PLPPR1: variants seen among roughly 807,000 people sequenced by gnomAD.
PLPPR1 encodes phospholipid phosphatase-related protein type 1.
In PLPPR1, 10 loss-of-function variants were observed where a neutral mutation model predicts 33.1. That is an observed-to-expected ratio of 0.30 (90% CI 0.19 to 0.51). The LOEUF (loss-of-function observed/expected upper bound fraction) is 0.51, where lower values mean the gene tolerates loss of function less well. Among genes scored for constraint, PLPPR1 ranks in the 20% least tolerant of loss-of-function variants. The pLI is 0.97. For missense variants in PLPPR1, 304 were observed against 408.1 expected, an observed-to-expected ratio of 0.74 and a Z score of 2.20; for synonymous variants, 151 against 151.0, an observed-to-expected ratio of 1.00 and a Z score of 0.00.
chr9:101,079,654 A>C (rs1414920814), intron 1 of PLPPR1, among the ~76,000 whole-genome samples: 1 of 151,036 alleles, frequency 6.6e-6, no homozygotes, highest in African/African-American at 2.4e-5. Flanking sequence ...ATCTTGGCTC[A>C]CTGCAACCTC....
intron 1 of PLPPR1, among the ~76,000 whole-genome samples, chr9:101,179,916 A>G (rs73499883): frequency 0.017 from 2,601 of 151,584 alleles, 74 homozygotes; most frequent in African/African-American, 0.06. Context: ...AAAAGGTTAG[A>G]CTGGCCTAGC....
intron 4 of PLPPR1, 110 bp downstream of exon 4, chr9:101,286,346 C>T: frequency 9.5e-7 from 1 of 1,052,370 alleles, no homozygotes. Context: ...GCAAGGGCTG[C>T]TTTGGGGATT....
intron 1 of PLPPR1, among the ~76,000 whole-genome samples, chr9:101,119,199 C>T (rs1364400588): frequency 3.3e-5 from 5 of 152,170 alleles, no homozygotes; most frequent in Non-Finnish European, 5.9e-5. Context: ...ACATGAAAGG[C>T]GGATACCTCT....
intron 1 of PLPPR1, among the ~76,000 whole-genome samples, chr9:101,118,213 A>T (rs981481051): frequency 2.0e-5 from 3 of 152,216 alleles, no homozygotes; most frequent in Admixed American, 6.5e-5. Context: ...TCAGGATCTC[A>T]GGTGCCACTT....
chr9:101,193,789 A>C (rs1391753953), intron 2 of PLPPR1, among the ~76,000 whole-genome samples: 1 of 152,236 alleles, frequency 6.6e-6, no homozygotes, highest in Non-Finnish European at 1.5e-5. Flanking sequence ...TTAAGGCTAC[A>C]TTGCCAATAG....
chr9:101,072,453 C>T (rs906935560), intron 1 of PLPPR1, among the ~76,000 whole-genome samples: 1 of 152,152 alleles, frequency 6.6e-6, no homozygotes, highest in Non-Finnish European at 1.5e-5. Context: ...CTTCAGCTAA[C>T]TGCAAGGAAG....
intron 5 of PLPPR1, among the ~76,000 whole-genome samples, chr9:101,312,390 C>G (rs1035289218): frequency 6.6e-6 from 1 of 152,202 alleles, no homozygotes; most frequent in African/African-American, 2.4e-5. Context: ...CCTACCTGGT[C>G]TTCTCCACCA....
At chr9:101,248,436 A>C (rs758387499) in intron 2 of PLPPR1, among the ~76,000 whole-genome samples, 1 of 152,110 alleles carries the variant, frequency 6.6e-6, no homozygotes, top group Non-Finnish European at 1.5e-5. Flanking sequence ...ATCCTAGTAT[A>C]ATAGCAAAGT....
At chr9:101,078,742 C>T (rs929007789) in intron 1 of PLPPR1, among the ~76,000 whole-genome samples, 2 of 152,056 alleles carry the variant, frequency 1.3e-5, no homozygotes, top group African/African-American at 2.4e-5. Flanking sequence ...CTAGTACTTG[C>T]TCCAGTCTAT....
At chr9:101,181,877 T>C (rs1245707927) in intron 1 of PLPPR1, among the ~76,000 whole-genome samples, 2 of 145,124 alleles carry the variant, frequency 1.4e-5, no homozygotes, top group East Asian at 2.1e-4. Flanking sequence ...TACACACACA[T>C]ATATATACAC....
At chr9:101,144,089 A>T (rs1428056390) in intron 1 of PLPPR1, among the ~76,000 whole-genome samples, 1 of 152,220 alleles carries the variant, frequency 6.6e-6, no homozygotes, top group African/African-American at 2.4e-5. Flanking sequence ...TGCAGTCATA[A>T]AAAAGGATGA....
At chr9:101,115,822 G>T (rs987698643) in intron 1 of PLPPR1, among the ~76,000 whole-genome samples, 1 of 152,202 alleles carries the variant, frequency 6.6e-6, no homozygotes, top group Non-Finnish European at 1.5e-5. Context: ...GGGATTTCTT[G>T]CTTTCCTTAT....
At chr9:101,312,199 A>C (rs1466020447) in intron 5 of PLPPR1, among the ~76,000 whole-genome samples, 4 of 152,266 alleles carry the variant, frequency 2.6e-5, no homozygotes, top group South Asian at 4.1e-4. Flanking sequence ...TGTATGAGTC[A>C]ATTTACTAGC....
rs564243993 is a variant in PLPPR1 at position 101,105,797 on chromosome 9, G to C, written c.-46+76695G>C. ...GTGTGGGAGTCTAAGTCTCTTTGTA[G>C]GTCACTCAGGACTTGCTTTATGAAT... On this transcript the variant is annotated intron_variant, in intron 1 of 7. Coordinates refer to ENST00000374874, the MANE Select transcript of PLPPR1 (RefSeq NM_207299.2). 1.6e-3 allele frequency among the ~76,000 whole-genome samples: 139 copies of C among 87,636 alleles called. 2 individuals carry two copies. The highest frequency in any genetic ancestry group is 2.5e-3 in the Non-Finnish European group (112 of 44,684). 57.5% of individuals were successfully genotyped at this position (87,636 alleles called of 152,430 possible). A position where few individuals can be genotyped will look rare whatever the true frequency, so the allele number is the denominator to read the frequency against.
intron 2 of PLPPR1, among the ~76,000 whole-genome samples, chr9:101,192,218 A>C (rs1826308318): frequency 6.6e-6 from 1 of 152,214 alleles, no homozygotes; most frequent in African/African-American, 2.4e-5. Context: ...GCCCAAATTC[A>C]GCAGTGCTGA....
intron 4 of PLPPR1, among the ~76,000 whole-genome samples, chr9:101,299,030 G>A (rs1204752522): frequency 1.3e-5 from 2 of 152,172 alleles, no homozygotes; most frequent in Non-Finnish European, 2.9e-5. Flanking sequence ...AATCTACCCA[G>A]GTAGTCTAAA....
intron 5 of PLPPR1, among the ~76,000 whole-genome samples, chr9:101,309,887 G>T (rs1828925749): frequency 6.6e-6 from 1 of 152,122 alleles, no homozygotes; most frequent in Non-Finnish European, 1.5e-5. Context: ...AAATTTGCAA[G>T]CATGGGCCTT....
At chr9:101,169,837 A>G (rs1001468607) in intron 1 of PLPPR1, among the ~76,000 whole-genome samples, 2 of 151,952 alleles carry the variant, frequency 1.3e-5, no homozygotes, top group African/African-American at 4.8e-5. Context: ...TTACATTTTT[A>G]TGTCTAGGAC....
intron 2 of PLPPR1, among the ~76,000 whole-genome samples, chr9:101,223,980 T>TA (rs1486887703): frequency 1.3e-5 from 2 of 152,202 alleles, no homozygotes; most frequent in Admixed American, 6.6e-5. Context: ...ATGAAACCTC[T>TA]GCCCGAGTTC....
Sources: allele counts gnomAD v4.1 joint callset (sites outside exome capture counted in the v4.1 genomes callset), GRCh38; gene constraint gnomAD v4.1.1; transcripts MANE v1.5; gene names NCBI Gene and HGNC (gene_info 2026-07-23, HGNC 2026-07-21).